Variants in ANK2 observed in about 807,000 individuals in gnomAD.
The protein encoded by ANK2 is ankyrin-2.
In ANK2, 83 loss-of-function variants were observed where a neutral mutation model predicts 360.5. The ratio of observed to expected loss-of-function variants is 0.23; its 90% CI spans 0.19 to 0.28. The LOEUF (loss-of-function observed/expected upper bound fraction) is 0.28, where lower values mean the gene tolerates loss of function less well. ANK2 is among the 10% of genes least tolerant of loss of function. The pLI, the probability that ANK2 is intolerant of heterozygous loss-of-function variation, is 1.00. For synonymous variants in ANK2, 1,740 were observed against 1,759.5 expected, an observed-to-expected ratio of 0.99 and a Z score of 0.28; for missense variants, 4,201 against 4,795.7, an observed-to-expected ratio of 0.88 and a Z score of 3.66.
intron 2 of ANK2, among the ~76,000 whole-genome samples, chr4:112,957,916 G>T (rs1026276087): frequency 6.6e-6 from 1 of 151,750 alleles, no homozygotes; most frequent in South Asian, 2.1e-4. Flanking sequence ...CCTCCCAGAC[G>T]GGGTCGCGGC....
intron 2 of ANK2, among the ~76,000 whole-genome samples, chr4:113,182,159 CAA>C (rs911135975): frequency 4.0e-5 from 6 of 151,834 alleles, no homozygotes; most frequent in African/African-American, 1.5e-4. Flanking sequence ...AGGATGAAGG[CAA>C]AAGAGGAATT....
At chr4:113,174,014 C>G in intron 1 of ANK2, 1 of 193,490 alleles carries the variant, frequency 5.2e-6, no homozygotes, top group Non-Finnish European at 1.1e-5. Context: ...GCTTTAATTT[C>G]TTTAGCTTTC....
At chr4:112,984,251 C>T (rs755153835) in intron 2 of ANK2, among the ~76,000 whole-genome samples, 7 of 152,062 alleles carry the variant, frequency 4.6e-5, no homozygotes, top group East Asian at 3.8e-4. Flanking sequence ...CGTATTGGTC[C>T]GTTTTCACGC....
At chr4:112,805,919 AATT>A in the ANK2 span, among the ~76,000 whole-genome samples, 1 of 152,094 alleles carries the variant, frequency 6.6e-6, no homozygotes, top group African/African-American at 2.4e-5. Context: ...TTAAGCCTTT[AATT>A]ATTATGAGTA....
chr4:113,010,840 T>C (rs2054491789), intron 2 of ANK2, among the ~76,000 whole-genome samples: 1 of 152,150 alleles, frequency 6.6e-6, no homozygotes, highest in Non-Finnish European at 1.5e-5. Flanking sequence ...AATAGATAGC[T>C]TAGAATTTTT....
At chr4:112,889,388 T>C (rs1446844486) in intron 1 of ANK2, among the ~76,000 whole-genome samples, 1 of 152,198 alleles carries the variant, frequency 6.6e-6, no homozygotes, top group South Asian at 2.1e-4. Context: ...TATACACTTA[T>C]GGATGTATGC....
At chr4:112,737,565 G>T in the ANK2 span, among the ~76,000 whole-genome samples, 2 of 152,258 alleles carry the variant, frequency 1.3e-5, no homozygotes, top group Admixed American at 6.5e-5. Flanking sequence ...AGCTGGAGCA[G>T]CTTGACTGGG....
intron 1 of ANK2, among the ~76,000 whole-genome samples, chr4:113,122,405 C>T (rs1250930257): frequency 6.6e-6 from 1 of 152,122 alleles, no homozygotes; most frequent in Non-Finnish European, 1.5e-5. Flanking sequence ...ATTAAAAATA[C>T]AAGTCACAGC....
chr4:113,020,825 C>CAAAA lies in ANK2; in HGVS notation c.21+116315_21+116318dup, dbSNP rs199827290. Among the ~76,000 whole-genome samples, 116 of 130,762 alleles carry CAAAA rather than the reference C, an allele frequency of 8.9e-4. 3 individuals are homozygous for CAAAA. Among genetic ancestry groups the CAAAA allele is most frequent in the African/African-American group, 2.6e-3 (93 of 36,012 alleles). The allele number at this position is 130,762 out of a possible 152,430, so 85.8% of individuals were successfully genotyped here. A position where few individuals can be genotyped will look rare whatever the true frequency, so the allele number is the denominator to read the frequency against. Reference sequence around the variant, plus strand: ...TGGGCGACAGAGTGAGACTCTGTCTCAAAAAAAGAAAAAAATCTACCAAAA... The same window carrying CAAAA: ...TGGGCGACAGAGTGAGACTCTGTCTCAAAAAAAAAAAGAAAAAAATCTACCAAAA... On this transcript the variant is annotated intron_variant, in intron 2 of 30. Coordinates refer to the ANK2 transcript ENST00000503271.
rs191468663 is a variant in ANK2, at chr4:113,282,742, A to T, written c.1949A>T (p.Asn650Ile). 2 of 1,613,956 alleles carry T rather than the reference A, an allele frequency of 1.2e-6. No homozygotes were observed. Reference protein sequence around the residue: ...NQMQIASTLLNYGAETNIVTK... With the variant: ...NQMQIASTLLIYGAETNIVTK... ...ATGCAGATAGCTTCCACACTCCTGA[A>T]CTATGGAGCAGAGACAAACATTGTG... The change falls in exon 18 of 46, where the codon AAC (asparagine) becomes ATC (isoleucine). Residue 650 changes from asparagine (N) to isoleucine (I), a missense_variant. Physicochemically the swap from Asn to Ile is moderately radical, Grantham distance 149. Around this residue, in one of 4 missense-constraint regions of ANK2, gnomAD observed 1,268 missense variants for 1,650.8 expected, o/e 0.77. Transcript: ENST00000357077.
At chr4:112,924,304 G>C (rs2092180027) in intron 2 of ANK2, among the ~76,000 whole-genome samples, 1 of 151,302 alleles carries the variant, frequency 6.6e-6, no homozygotes, top group African/African-American at 2.4e-5. Flanking sequence ...GGAGACGGAA[G>C]CTGCAGTGAG....
chr4:113,300,684 A>C (rs201511816), intron 22 of ANK2, among the ~76,000 whole-genome samples: 2 of 152,236 alleles, frequency 1.3e-5, no homozygotes, highest in East Asian at 3.8e-4. Context: ...AAGAGGGGAA[A>C]GAAGATTTCT....
chr4:113,120,673 A>G (rs1408762822), intron 1 of ANK2, among the ~76,000 whole-genome samples: 1 of 152,080 alleles, frequency 6.6e-6, no homozygotes, highest in Non-Finnish European at 1.5e-5. Flanking sequence ...AATGTGTATC[A>G]TGGGGGTTTG....
At chr4:113,363,848 C>T (rs961933553) in intron 40 of ANK2, among the ~76,000 whole-genome samples, 1 of 152,070 alleles carries the variant, frequency 6.6e-6, no homozygotes, top group Admixed American at 6.6e-5. Context: ...GCATCATCTC[C>T]CAGCTTGGTT....
intron 1 of ANK2, among the ~76,000 whole-genome samples, chr4:113,146,857 G>A (rs2096854849): frequency 6.6e-6 from 1 of 152,172 alleles, no homozygotes; most frequent in Non-Finnish European, 1.5e-5. Flanking sequence ...AGATATGTAG[G>A]ATTTCTGAGT....
chr4:113,154,259 A>G (rs1248905784), intron 1 of ANK2, among the ~76,000 whole-genome samples: 1 of 152,232 alleles, frequency 6.6e-6, no homozygotes, highest in Non-Finnish European at 1.5e-5. Flanking sequence ...AAAACTAATA[A>G]TTACTGTGTA....
At chr4:113,205,235 CAAAAAAAA>C (rs369993364) in intron 4 of ANK2, among the ~76,000 whole-genome samples, 5 of 64,030 alleles carry the variant, frequency 7.8e-5, no homozygotes, top group Admixed American at 4.4e-4. Context: ...GACTCCGTCT[CAAAAAAAA>C]AAAAAAAAAA....
chr4:113,069,863 A>G (rs1009432438), intron 1 of ANK2: 2 of 152,144 alleles, frequency 1.3e-5, no homozygotes, highest in African/African-American at 4.8e-5. Flanking sequence ...CCTATTCTTC[A>G]TGCTTGACTC....
rs989100346 is a variant in ANK2 at position 113,197,875 on chromosome 4, A to G, written c.286-1136A>G. On this transcript the variant is annotated intron_variant, in intron 3 of 45. Transcript: ENST00000357077. The stretch of plus-strand genomic sequence containing the variant: ...TACATTTTAAACAAATATTTAAAGA[A>G]TATCTATTTGAAGCCCAGTGTGCTG... Among the ~76,000 whole-genome samples, 3 of 152,322 alleles carry G rather than the reference A, an allele frequency of 2.0e-5. No individual in the cohort carries two copies. The East Asian group carries it at 5.8e-4, about 29-fold the overall frequency.
Sources: gnomAD v4.1 joint callset for allele counts (sites outside exome capture counted in the v4.1 genomes callset) on GRCh38, gnomAD v4.1.1 for gene constraint, gnomAD v4.1.1 regional missense constraint, MANE v1.5 for transcripts, NCBI Gene and HGNC (gene_info 2026-07-23, HGNC 2026-07-21) for gene names.